The following ZNF608 variants were observed in gnomAD, a reference collection of about 807,000 sequenced individuals.
ZNF608 encodes the protein zinc finger protein 608.
ZNF608 carries 12 observed loss-of-function variants against 109.0 expected under a neutral mutation model. That is an observed-to-expected ratio of 0.11 (90% CI 0.07 to 0.18). The LOEUF (loss-of-function observed/expected upper bound fraction) is 0.18. Ranked by LOEUF, ZNF608 falls within the 10% of genes least tolerant of loss-of-function variation. The pLI is 1.00. For missense variants in ZNF608, 1,707 were observed against 1,879.3 expected, an observed-to-expected ratio of 0.91 and a Z score of 1.70; for synonymous variants, 732 against 717.4, an observed-to-expected ratio of 1.02 and a Z score of -0.33.
At chr5:124,682,046 A>C (rs1323602359) in intron 3 of ZNF608, among the ~76,000 whole-genome samples, 2 of 152,162 alleles carry the variant, frequency 1.3e-5, no homozygotes, top group African/African-American at 4.8e-5. Flanking sequence ...TGAGCTTTCA[A>C]AATGTTGACT....
chr5:124,643,141 C>T (rs1051657458), intron 7 of ZNF608, among the ~76,000 whole-genome samples: 4 of 152,174 alleles, frequency 2.6e-5, no homozygotes, highest in African/African-American at 7.2e-5. Context: ...GAACTACTTA[C>T]TTACCAAAAT....
Position 124,637,601 on chromosome 5 carries a change from C to T in ZNF608, c.*299G>A, listed in dbSNP as rs932023617. ...ATTTCCTTTACTGAGTGGTTTGCGA[C>T]GTGGCAGCAGACCCTGTGTGTGCGA... On this transcript the variant is annotated 3_prime_UTR_variant, in exon 10 of 10. Transcript: ENST00000513986. 7.3e-5 allele frequency: 12 copies of T among 164,186 alleles called. No homozygotes were observed. The highest frequency in any genetic ancestry group is 2.0e-4 in the South Asian group (1 of 4,934). The allele number at this position is 164,186 out of a possible 1,614,324, so 10.2% of individuals were successfully genotyped here.
chr5:124,744,151 A>G lies in ZNF608; in HGVS notation c.839T>C (p.Met280Thr), dbSNP rs779828680. Residue 280 changes from methionine to threonine, a missense_variant, in exon 2 of 10, where the codon ATG becomes ACG. Around this residue, in one of 7 missense-constraint regions of ZNF608, gnomAD observed 407 missense variants for 398.7 expected, o/e 1.02. Transcript: ENST00000513986. The surrounding 1 kb of genome is among the most constrained non-coding windows in gnomAD (Gnocchi z 4.5). ...APDSGLMGNS[M>T]LVKKEEEEEE... ...CTCCTCCTCTTCCTTCTTTACCAAC[A>G]TAGAGTTTCCCATGAGCCCTGAATC... 3.6e-5 allele frequency: 58 copies of G among 1,612,926 alleles called. No individual in the cohort carries two copies. The highest frequency in any genetic ancestry group is 4.2e-5 in the Non-Finnish European group (50 of 1,179,822).
Position 124,648,635 on chromosome 5 carries a change from G to A in ZNF608, c.1749C>T (p.Asn583=). ...HQAHAHLDPE[N]KLEFEPDSED... The stretch of plus-strand genomic sequence containing the variant: ...CACTGTCAGGCTCGAACTCCAGCTT[G>A]TTTTCTGGGTCTAAGTGTGCATGAG... Residue 583 remains asparagine, a synonymous_variant, in exon 5 of 10, where the codon AAC becomes AAT. Transcript: ENST00000513986. 6.2e-7 allele frequency: 1 copy of A among 1,614,228 alleles called. No individual in the cohort carries two copies. The highest frequency in any genetic ancestry group is 1.1e-5 in the South Asian group (1 of 91,092).
At chr5:124,741,688 T>A (rs1749412130) in intron 2 of ZNF608, among the ~76,000 whole-genome samples, 1 of 152,204 alleles carries the variant, frequency 6.6e-6, no homozygotes, top group South Asian at 2.1e-4. Context: ...ATTTTCTAAA[T>A]TGATGCCTAA....
At position 124,644,268 on chromosome 5, in the gene ZNF608, G is replaced by C. The variant is rs1750390450; in HGVS notation, c.4099C>G (p.Pro1367Ala). Reference protein sequence around the residue: ...PSHPAYRAVSPVLMHSYPGAY... With the variant: ...PSHPAYRAVSAVLMHSYPGAY... ...CCAGGATAACTGTGCATTAGGACGG[G>C]AGAAACAGCCCGGTATGCAGGATGG... is the stretch of plus-strand genomic sequence containing the variant. The change falls in exon 6 of 10, where the codon CCC becomes GCC. Residue 1367 changes from proline (P) to alanine (A), a missense_variant. By Grantham distance (27) the Pro-to-Ala change is conservative. Coordinates refer to ENST00000513986, the MANE Select transcript of ZNF608 (RefSeq NM_020747.3). The C allele has an allele frequency of 1.1e-5, 17 of 1,611,102 alleles. No homozygotes were observed. Among genetic ancestry groups the C allele is most frequent in the Non-Finnish European group, 1.4e-5 (17 of 1,177,494 alleles).
intron 2 of ZNF608, among the ~76,000 whole-genome samples, chr5:124,731,903 A>G (rs1748926981): frequency 6.6e-6 from 1 of 152,222 alleles, no homozygotes; most frequent in South Asian, 2.1e-4. Context: ...AATACGGAAA[A>G]TATTAACAGG....
intron 9 of ZNF608, 77 bp downstream of exon 9, chr5:124,639,056 A>C: frequency 1.4e-6 from 2 of 1,439,000 alleles, no homozygotes; most frequent in Non-Finnish European, 1.9e-6. Context: ...TTTTGGTCTA[A>C]AAATCCTGTA....
intron 8 of ZNF608, among the ~76,000 whole-genome samples, chr5:124,640,759 G>A (rs541892833): frequency 6.6e-6 from 1 of 152,300 alleles, no homozygotes; most frequent in Admixed American, 6.5e-5. Context: ...ATTTAGTGAA[G>A]TCGCAGCAGT....
In ZNF608 at chr5:124,709,124, C is replaced by T. The variant is rs977426786; in HGVS notation, c.907-7855G>A. ...AGGCGGAGATTGCAGTGGGCCGAGA[C>T]TGCACCATTGCCCTCCAGCCTGGGC... On this transcript the variant is annotated intron_variant, in intron 2 of 9. Transcript: ENST00000513986. Among the ~76,000 whole-genome samples the T allele has an allele frequency of 5.9e-5, 8 of 136,312 alleles. No homozygotes were observed. In the South Asian group the frequency reaches 1.9e-3, roughly 32 times the overall value. The allele number at this position is 136,312 out of a possible 152,430, so 89.4% of individuals were successfully genotyped here. A position where few individuals can be genotyped will look rare whatever the true frequency, so the allele number is the denominator to read the frequency against.
upstream of ZNF608, among the ~76,000 whole-genome samples, chr5:124,747,661 C>A (rs1474717715): frequency 2.0e-5 from 3 of 151,398 alleles, no homozygotes; most frequent in Non-Finnish European, 4.4e-5. Flanking sequence ...GTGGGCGAAG[C>A]TACAAGTTAT....
intron 3 of ZNF608, among the ~76,000 whole-genome samples, chr5:124,698,507 G>T (rs139683067): frequency 2.0e-5 from 3 of 152,108 alleles, no homozygotes; most frequent in Non-Finnish European, 2.9e-5. Context: ...AGAAGGCTGG[G>T]GCTGCCAACA....
At chr5:124,719,450 A>AT (rs1488485196) in intron 2 of ZNF608, among the ~76,000 whole-genome samples, 2 of 152,214 alleles carry the variant, frequency 1.3e-5, no homozygotes, top group African/African-American at 4.8e-5. Flanking sequence ...GTTTGCATTC[A>AT]TATCTGTAGA....
At chr5:124,697,411 C>G (rs1268049643) in intron 3 of ZNF608, among the ~76,000 whole-genome samples, 1 of 151,866 alleles carries the variant, frequency 6.6e-6, no homozygotes. Context: ...AATGACTATA[C>G]AGAGGCATGT....
At chr5:124,640,644 C>T (rs1398594607) in intron 8 of ZNF608, among the ~76,000 whole-genome samples, 3 of 152,166 alleles carry the variant, frequency 2.0e-5, no homozygotes, top group Non-Finnish European at 2.9e-5. Context: ...TATGAGATGA[C>T]AAAGATGGGA....
chr5:124,739,047 C>T (rs1015705070), intron 2 of ZNF608, among the ~76,000 whole-genome samples: 1 of 152,168 alleles, frequency 6.6e-6, no homozygotes, highest in African/African-American at 2.4e-5. Context: ...AGCAAGAATG[C>T]ATTATGTGTT....
intron 2 of ZNF608, among the ~76,000 whole-genome samples, chr5:124,724,608 A>G (rs1436841676): frequency 4.0e-5 from 6 of 149,564 alleles, no homozygotes; most frequent in Non-Finnish European, 8.8e-5. Flanking sequence ...ATTCAACAGC[A>G]CGTGTGTGTG....
At chr5:124,723,459 G>A (rs1486154136) in intron 2 of ZNF608, among the ~76,000 whole-genome samples, 1 of 152,154 alleles carries the variant, frequency 6.6e-6, no homozygotes, top group South Asian at 2.1e-4. Flanking sequence ...AGGCCAAGGT[G>A]GGTGGATCAC....
chr5:124,644,265 C>A lies in ZNF608; in HGVS notation c.4102G>T (p.Val1368Phe). 1.2e-6 allele frequency: 2 copies of A among 1,610,268 alleles called. No individual in the cohort carries two copies. Among genetic ancestry groups the A allele is most frequent in the Non-Finnish European group, 1.7e-6 (2 of 1,177,038 alleles). Reference sequence around the variant, plus strand: ...GTACCAGGATAACTGTGCATTAGGACGGGAGAAACAGCCCGGTATGCAGGA... The same window carrying A: ...GTACCAGGATAACTGTGCATTAGGAAGGGAGAAACAGCCCGGTATGCAGGA... ...SHPAYRAVSP[V>F]LMHSYPGAYL... The change falls in exon 6 of 10, where the codon GTC becomes TTC. Residue 1368 changes from valine to phenylalanine, a missense_variant. Transcript: ENST00000513986.
Sources: allele counts gnomAD v4.1 joint callset (sites outside exome capture counted in the v4.1 genomes callset), GRCh38; gene constraint gnomAD v4.1.1; regional missense constraint gnomAD v4.1.1; non-coding constraint Gnocchi (gnomAD v3.1); transcripts MANE v1.5; gene names NCBI Gene and HGNC (gene_info 2026-07-23, HGNC 2026-07-21).